Variants in PRKG1 observed in about 807,000 individuals in gnomAD.
PRKG1 encodes protein kinase cGMP-dependent 1, also known as cGMP-dependent protein kinase 1.
A neutral mutation model predicts 88.1 loss-of-function variants in PRKG1; 35 were observed. The observed-to-expected ratio is 0.40, with a 90% CI of 0.30 to 0.53. The LOEUF is 0.53. PRKG1 is among the 20% of genes least tolerant of loss of function. The probability of loss-of-function intolerance (pLI) is 0.59; values close to 1 mark genes in which losing one functional copy is unlikely to be tolerated. For synonymous variants in PRKG1, 303 were observed against 292.5 expected (o/e 1.04, Z -0.37); for missense variants, 540 against 839.8 (o/e 0.64, Z 4.41).
chr10:52,130,237 T>C (rs113382965), intron 7 of PRKG1, among the ~76,000 whole-genome samples: 44 of 152,318 alleles, frequency 2.9e-4, no homozygotes, highest in African/African-American at 9.1e-4. Flanking sequence ...TAGGCCATAC[T>C]TGTTTTCCTT....
At chr10:51,319,200 C>A (rs548314967) in intron 2 of PRKG1, among the ~76,000 whole-genome samples, 3 of 152,316 alleles carry the variant, frequency 2.0e-5, no homozygotes, top group East Asian at 3.9e-4. Context: ...GCAGCTATTA[C>A]AAACTAGTTA....
chr10:51,420,730 C>T (rs929613855), intron 2 of PRKG1, among the ~76,000 whole-genome samples: 2 of 152,144 alleles, frequency 1.3e-5, no homozygotes, highest in Non-Finnish European at 2.9e-5. Flanking sequence ...ATACCTGAGA[C>T]TGGGTAATTT....
intron 2 of PRKG1, among the ~76,000 whole-genome samples, chr10:51,235,315 C>T (rs1838955822): frequency 6.6e-6 from 1 of 152,162 alleles, no homozygotes; most frequent in Non-Finnish European, 1.5e-5. Flanking sequence ...GACACAATGG[C>T]AGATTTTCTT....
chr10:51,846,724 G>A (rs933493603), intron 4 of PRKG1, among the ~76,000 whole-genome samples: 5 of 152,092 alleles, frequency 3.3e-5, no homozygotes, highest in African/African-American at 7.2e-5. Context: ...CTTTTGCTGG[G>A]ATTTAATTCT....
chr10:51,402,700 A>C (rs969124053), intron 2 of PRKG1, among the ~76,000 whole-genome samples: 1 of 152,130 alleles, frequency 6.6e-6, no homozygotes, highest in Admixed American at 6.6e-5. Flanking sequence ...CTGGCTGGAA[A>C]CTCTGGCCTA....
At chr10:52,126,681 T>C (rs1260406729) in intron 7 of PRKG1, among the ~76,000 whole-genome samples, 1 of 152,124 alleles carries the variant, frequency 6.6e-6, no homozygotes, top group Non-Finnish European at 1.5e-5. Context: ...AAATTGTTCT[T>C]ATCCTTTAAA....
chr10:52,293,989 A>C lies in PRKG1; in HGVS notation c.*89A>C. Reference sequence around the variant, plus strand: ...AAACCTGAGGGAAAGAGAGAAGATTAGTGCTCGGGGTCACCATGATGCCTT... The same window carrying C: ...AAACCTGAGGGAAAGAGAGAAGATTCGTGCTCGGGGTCACCATGATGCCTT... On this transcript the variant is annotated 3_prime_UTR_variant, in exon 18 of 18. Transcript: ENST00000373980. 1 of 1,107,350 alleles carries C rather than the reference A, an allele frequency of 9.0e-7. No individual in the cohort carries two copies. Among genetic ancestry groups the C allele is most frequent in the Non-Finnish European group, 1.3e-6 (1 of 744,060 alleles). 68.6% of individuals were successfully genotyped at this position (1,107,350 alleles called of 1,614,324 possible). A position where few individuals can be genotyped will look rare whatever the true frequency, so the allele number is the denominator to read the frequency against.
chr10:51,841,585 T>A (rs912931563), intron 4 of PRKG1, among the ~76,000 whole-genome samples: 6 of 152,200 alleles, frequency 3.9e-5, no homozygotes, highest in Non-Finnish European at 8.8e-5. Context: ...AAATTCTGTT[T>A]TCTTGTGCAG....
intron 3 of PRKG1, among the ~76,000 whole-genome samples, chr10:51,694,559 G>A (rs1412927737): frequency 6.6e-6 from 1 of 152,136 alleles, no homozygotes; most frequent in Non-Finnish European, 1.5e-5. Flanking sequence ...TTAGGGCAAG[G>A]ACTAATGGGC....
rs765814710 is a variant in PRKG1, at chr10:51,897,248, C to T, written c.699-10259C>T. 2.3e-4 allele frequency among the ~76,000 whole-genome samples: 35 copies of T among 152,150 alleles called. No homozygotes were observed. In the East Asian group the frequency reaches 2.7e-3, roughly 12 times the overall value. On this transcript the variant is annotated intron_variant, in intron 4 of 17. Transcript: ENST00000373980. ...TATGGATTGATTTTTTTAGTAAGTC[C>T]GAGATTTCTGCTTTTATTCTTTTAT... is the stretch of plus-strand genomic sequence containing the variant.
intron 5 of PRKG1, among the ~76,000 whole-genome samples, chr10:52,007,148 G>A (rs1055998986): frequency 3.9e-5 from 6 of 152,106 alleles, no homozygotes; most frequent in African/African-American, 7.2e-5. Context: ...AGGAAAGACC[G>A]TTACCAGCAA....
At chr10:51,031,892 G>T (rs909872233) in intron 1 of PRKG1, among the ~76,000 whole-genome samples, 1 of 152,284 alleles carries the variant, frequency 6.6e-6, no homozygotes, top group African/African-American at 2.4e-5. Context: ...AAATGAACCT[G>T]TGATTTTAGG....
At chr10:51,873,675 G>A (rs1026447924) in intron 4 of PRKG1, among the ~76,000 whole-genome samples, 12 of 151,776 alleles carry the variant, frequency 7.9e-5, no homozygotes, top group South Asian at 4.2e-4. Context: ...TTACAGGTAC[G>A]TGCCACCGTG....
At chr10:51,910,193 A>C (rs1273118437) in intron 5 of PRKG1, 1 of 152,036 alleles carries the variant, frequency 6.6e-6, no homozygotes, top group East Asian at 1.9e-4. Context: ...AACAAAAGGT[A>C]GGAGAGCTTT....
At chr10:51,564,134 G>T (rs1462963736) in intron 3 of PRKG1, among the ~76,000 whole-genome samples, 3 of 151,904 alleles carry the variant, frequency 2.0e-5, no homozygotes, top group South Asian at 2.1e-4. Context: ...TGGGGCATCA[G>T]GAAATCATTA....
chr10:52,162,474 A>G (rs1171042291), intron 9 of PRKG1, among the ~76,000 whole-genome samples: 1 of 152,154 alleles, frequency 6.6e-6, no homozygotes, highest in Admixed American at 6.5e-5. Flanking sequence ...GATTAAAACA[A>G]TGTTTTTTGA....
At chr10:51,912,864 C>T (rs1842250829) in intron 5 of PRKG1, among the ~76,000 whole-genome samples, 1 of 151,606 alleles carries the variant, frequency 6.6e-6, no homozygotes, top group South Asian at 2.1e-4. Flanking sequence ...GAATGAATCT[C>T]TTTATTCTTT....
intron 3 of PRKG1, among the ~76,000 whole-genome samples, chr10:51,749,494 A>C (rs753962427): frequency 2.0e-4 from 30 of 152,094 alleles, no homozygotes; most frequent in Non-Finnish European, 3.7e-4. Flanking sequence ...TAAGGCCATG[A>C]AACCTATCAG....
chr10:51,695,305 T>C (rs911918733), intron 3 of PRKG1, among the ~76,000 whole-genome samples: 1 of 152,228 alleles, frequency 6.6e-6, no homozygotes, highest in East Asian at 1.9e-4. Context: ...CCCATCTTTA[T>C]AGTTATTTCA....
Sources: gnomAD v4.1 joint callset for allele counts (sites outside exome capture counted in the v4.1 genomes callset) on GRCh38, gnomAD v4.1.1 for gene constraint, MANE v1.5 for transcripts, NCBI Gene and HGNC (gene_info 2026-07-23, HGNC 2026-07-21) for gene names.